Variants in ITK observed in about 807,000 individuals in gnomAD.
ITK encodes the protein tyrosine-protein kinase ITK/TSK.
A neutral mutation model predicts 87.6 loss-of-function variants in ITK; 45 were observed. The observed-to-expected ratio is 0.51, with a 90% CI of 0.40 to 0.66. ITK has a LOEUF of 0.66. Among genes scored for constraint, ITK ranks in the 30% least tolerant of loss-of-function variants. The pLI is 0.00. For missense variants in ITK, 605 were observed against 766.3 expected (o/e 0.79, Z 2.48); for synonymous variants, 303 against 273.6 (o/e 1.11, Z -1.06).
intron 3 of ITK, 100 bp downstream of exon 3, chr5:157,211,468 G>A (rs1754191232): frequency 3.0e-6 from 3 of 1,014,102 alleles, no homozygotes; most frequent in Non-Finnish European, 4.7e-6. Context: ...GCAGCTGATG[G>A]CTGATTTCTC....
rs938627169 is a variant in ITK at position 157,255,010 on chromosome 5, C to T, written c.*2332C>T. On this transcript the variant is annotated 3_prime_UTR_variant, in exon 17 of 17. Coordinates refer to ENST00000422843, the MANE Select transcript of ITK (RefSeq NM_005546.4). ...TATTTCGTAGATTTTGCATTTTGTA[C>T]CTTTTGAGACTATGTATTTATATTT... 5.3e-5 allele frequency: 11 copies of T among 205,664 alleles called. No homozygotes were observed. The highest frequency in any genetic ancestry group is 2.5e-4 in the African/African-American group (11 of 43,618). 12.7% of individuals were successfully genotyped at this position (205,664 alleles called of 1,614,324 possible). A position where few individuals can be genotyped will look rare whatever the true frequency, so the allele number is the denominator to read the frequency against.
chr5:157,222,796 C>G, intron 5 of ITK, 67 bp from the exon 6 acceptor site: 1 of 1,519,580 alleles, frequency 6.6e-7, no homozygotes, highest in Non-Finnish European at 9.1e-7. Context: ...CCAGACACCC[C>G]GATGAAAGGA....
chr5:157,250,900 G>A (rs1755128652), intron 16 of ITK, among the ~76,000 whole-genome samples: 1 of 152,112 alleles, frequency 6.6e-6, no homozygotes, highest in Admixed American at 6.5e-5. Flanking sequence ...TCCATTGTAT[G>A]GATATGCCAC....
At chr5:157,198,362 G>A (rs960364884) in intron 1 of ITK, among the ~76,000 whole-genome samples, 1 of 151,820 alleles carries the variant, frequency 6.6e-6, no homozygotes, top group African/African-American at 2.4e-5. Flanking sequence ...TCATTTGGGT[G>A]GCCAGGGTGT....
chr5:157,213,661 C>A, intron 3 of ITK: 2 of 423,332 alleles, frequency 4.7e-6, no homozygotes, highest in South Asian at 1.7e-5. Flanking sequence ...GGATTACAAG[C>A]ATGAGCCACT....
At chr5:157,187,877 G>A (rs1753677164) in intron 1 of ITK, among the ~76,000 whole-genome samples, 1 of 151,552 alleles carries the variant, frequency 6.6e-6, no homozygotes, top group African/African-American at 2.4e-5. Context: ...ACAGCTCACT[G>A]TAGCCTCAGC....
At chr5:157,223,323 A>G (rs1042654307) in intron 6 of ITK, among the ~76,000 whole-genome samples, 3 of 152,122 alleles carry the variant, frequency 2.0e-5, no homozygotes, top group African/African-American at 7.2e-5. Flanking sequence ...GAGCTTGGCA[A>G]TTTGTTCTGC....
chr5:157,249,789 T>C (rs1366009018), intron 16 of ITK, among the ~76,000 whole-genome samples: 2 of 152,202 alleles, frequency 1.3e-5, no homozygotes, highest in African/African-American at 4.8e-5. Flanking sequence ...AGAGCTTTTA[T>C]AATCAGAAAC....
chr5:157,224,817 G>C (rs923859270), intron 6 of ITK, among the ~76,000 whole-genome samples: 1 of 152,076 alleles, frequency 6.6e-6, no homozygotes, highest in African/African-American at 2.4e-5. Flanking sequence ...CACAATCTTA[G>C]AATGTATGAT....
At chr5:157,240,629 C>T (rs1179006066) in intron 10 of ITK, 11 of 207,906 alleles carry the variant, frequency 5.3e-5, no homozygotes, top group Non-Finnish European at 6.9e-5. Flanking sequence ...AGCATGGTGC[C>T]GGCATCTTCT....
chr5:157,221,863 AT>A (rs1054178790), intron 5 of ITK, among the ~76,000 whole-genome samples: 5 of 152,052 alleles, frequency 3.3e-5, no homozygotes, highest in African/African-American at 1.2e-4. Flanking sequence ...TCAAATTCCA[AT>A]CTGCAGCCGG....
chr5:157,225,065 G>A (rs1754504377), intron 6 of ITK, among the ~76,000 whole-genome samples: 1 of 152,020 alleles, frequency 6.6e-6, no homozygotes, highest in African/African-American at 2.4e-5. Flanking sequence ...CACTCTCACA[G>A]TTCACTGCAG....
intron 16 of ITK, among the ~76,000 whole-genome samples, chr5:157,251,197 ATAGATGTG>A (rs1755133363): frequency 1.3e-5 from 2 of 152,210 alleles, no homozygotes; most frequent in Admixed American, 6.5e-5. Flanking sequence ...AGTGGTTCTA[ATAGATGTG>A]TAGTCATATT....
At position 157,245,869 on chromosome 5, in the gene ITK, C is replaced by CTCTCT; in HGVS notation, c.1515-9_1515-5dup. ...GGAACATTCTGACCTTCTCCCTCCA[C>CTCTCT]TCTCTTCCCAGGTTCGTTCTGGATG... On this transcript the variant is annotated splice_polypyrimidine_tract_variant and intron_variant, in intron 14 of 16. Coordinates refer to ENST00000422843, the MANE Select transcript of ITK (RefSeq NM_005546.4). 6.2e-7 allele frequency: 1 copy of CTCTCT among 1,612,192 alleles called. No individual in the cohort carries two copies.
chr5:157,214,590 C>T (rs1386513927), intron 4 of ITK, among the ~76,000 whole-genome samples: 1 of 151,902 alleles, frequency 6.6e-6, no homozygotes, highest in Non-Finnish European at 1.5e-5. Context: ...ATGATCTGGC[C>T]CCACTCATGA....
intron 7 of ITK, among the ~76,000 whole-genome samples, chr5:157,231,022 TATG>T (rs1161795692): frequency 4.6e-5 from 7 of 152,232 alleles, no homozygotes; most frequent in African/African-American, 1.7e-4. Flanking sequence ...AAGATTCCAG[TATG>T]ATAACTTTTT....
chr5:157,189,501 G>A (rs1753709929), intron 1 of ITK, among the ~76,000 whole-genome samples: 1 of 152,172 alleles, frequency 6.6e-6, no homozygotes, highest in Admixed American at 6.5e-5. Flanking sequence ...CCAACATGGC[G>A]AAACCCTATC....
intron 8 of ITK, among the ~76,000 whole-genome samples, chr5:157,233,202 G>T (rs546738420): frequency 6.6e-6 from 1 of 152,214 alleles, no homozygotes; most frequent in East Asian, 1.9e-4. Context: ...GGGCAGAATT[G>T]GATTAAGTCA....
At position 157,211,331 on chromosome 5, in the gene ITK, T is replaced by C; in HGVS notation, c.288T>C (p.Arg96=). 1 of 1,614,082 alleles carries C rather than the reference T, an allele frequency of 6.2e-7. No homozygotes were observed. The highest frequency in any genetic ancestry group is 8.5e-7 in the Non-Finnish European group (1 of 1,179,936). The change falls in exon 3 of 17, where the codon CGT becomes CGC. Residue 96 remains arginine (R), a synonymous_variant. Transcript: ENST00000422843. The stretch of plus-strand genomic sequence containing the variant: ...TCCTATATGTGTTTGCTCCAGATCG[T>C]GAGAGCCGGCAGCGCTGGGTGCTGG... ...NYLLYVFAPD[R]ESRQRWVLAL... is the part of the protein sequence containing the mutation.
Sources: allele counts gnomAD v4.1 joint callset (sites outside exome capture counted in the v4.1 genomes callset), GRCh38; gene constraint gnomAD v4.1.1; transcripts MANE v1.5; gene names NCBI Gene and HGNC (gene_info 2026-07-23, HGNC 2026-07-21).